The following ATP9B variants were observed in gnomAD, a reference collection of about 807,000 sequenced individuals.
The protein encoded by ATP9B is ATPase phospholipid transporting 9B.
ATP9B carries 110 observed loss-of-function variants against 146.1 expected under a neutral mutation model. The ratio of observed to expected loss-of-function variants is 0.75; its 90% confidence interval spans 0.65 to 0.88. The LOEUF (loss-of-function observed/expected upper bound fraction) is 0.88. ATP9B is among the 40% of genes least tolerant of loss of function. The pLI, the probability that ATP9B is intolerant of heterozygous loss-of-function variation, is 0.00. For synonymous variants in ATP9B, 604 were observed against 569.7 expected (o/e 1.06, Z -0.86); for missense variants, 1,499 against 1,496.4 (o/e 1.00, Z -0.03).
At chr18:79,259,208 T>G (rs1025145595) in intron 12 of ATP9B, among the ~76,000 whole-genome samples, 30 of 152,368 alleles carry the variant, frequency 2.0e-4, no homozygotes, top group African/African-American at 7.2e-4. Context: ...TTTGTAATTC[T>G]AAAATTCATA....
chr18:79,328,089 TGTGGTTAG>T (rs2096770123), intron 15 of ATP9B, among the ~76,000 whole-genome samples: 3 of 88,852 alleles, frequency 3.4e-5, no homozygotes, highest in African/African-American at 5.2e-5. Flanking sequence ...GCGTGCTCTC[TGTGGTTAG>T]CGTGCTCTCT....
At chr18:79,283,569 A>C (rs141595044) in intron 13 of ATP9B, among the ~76,000 whole-genome samples, 1 of 152,188 alleles carries the variant, frequency 6.6e-6, no homozygotes, top group Non-Finnish European at 1.5e-5. Context: ...CAAGAAAGCA[A>C]TGTGGTATAA....
chr18:79,155,979 G>A (rs1476404875), intron 7 of ATP9B, among the ~76,000 whole-genome samples: 1 of 151,822 alleles, frequency 6.6e-6, no homozygotes, highest in Non-Finnish European at 1.5e-5. Context: ...AGCCAGGATG[G>A]TCTCGATCTC....
intron 17 of ATP9B, among the ~76,000 whole-genome samples, chr18:79,332,336 G>C (rs2096795775): frequency 6.6e-6 from 1 of 152,238 alleles, no homozygotes. Context: ...GGCTGAGGCA[G>C]GAGAATGGCG....
intron 11 of ATP9B, among the ~76,000 whole-genome samples, chr18:79,220,843 C>CT: frequency 6.6e-6 from 1 of 152,278 alleles, no homozygotes; most frequent in South Asian, 2.1e-4. Context: ...GTGCCCTTTT[C>CT]TTTTCAGCTG....
At chr18:79,320,691 G>C (rs1360238788) in intron 15 of ATP9B, among the ~76,000 whole-genome samples, 6 of 152,140 alleles carry the variant, frequency 3.9e-5, no homozygotes, top group Non-Finnish European at 7.4e-5. Context: ...TGGCCATGCA[G>C]AACTCCCACC....
At chr18:79,229,625 C>T (rs1270966069) in intron 11 of ATP9B, among the ~76,000 whole-genome samples, 1 of 152,310 alleles carries the variant, frequency 6.6e-6, no homozygotes, top group Non-Finnish European at 1.5e-5. Context: ...GAGGCGCAGG[C>T]GCTCTGCTGT....
intron 9 of ATP9B, among the ~76,000 whole-genome samples, chr18:79,203,056 A>G (rs1328959470): frequency 1.3e-5 from 2 of 152,220 alleles, no homozygotes; most frequent in Non-Finnish European, 2.9e-5. Context: ...AAGGGAATAC[A>G]ATTGTGTGAA....
chr18:79,376,050 C>G (rs1475723003), intron 29 of ATP9B: 1 of 985,116 alleles, frequency 1.0e-6, no homozygotes, highest in East Asian at 1.1e-4. Flanking sequence ...CGAGAACATT[C>G]TCTGGGTGGG....
intron 1 of ATP9B, among the ~76,000 whole-genome samples, chr18:79,093,697 A>G (rs2074536790): frequency 6.6e-6 from 1 of 152,216 alleles, no homozygotes; most frequent in African/African-American, 2.4e-5. Flanking sequence ...ATATAGAGAA[A>G]TAGTGTGTAT....
intron 25 of ATP9B, among the ~76,000 whole-genome samples, chr18:79,358,953 C>T (rs2147813188): frequency 6.6e-6 from 1 of 150,476 alleles, no homozygotes; most frequent in South Asian, 2.1e-4. Context: ...GTGAGGGGTG[C>T]TCTGGGTCTG....
chr18:79,237,362 G>T (rs1390583051), intron 11 of ATP9B, among the ~76,000 whole-genome samples: 4 of 92,328 alleles, frequency 4.3e-5, no homozygotes. Context: ...GCACGAGTCA[G>T]TGTCCACACC....
chr18:79,258,939 T>C (rs1421874483), intron 12 of ATP9B, among the ~76,000 whole-genome samples: 2 of 152,342 alleles, frequency 1.3e-5, no homozygotes, highest in South Asian at 4.1e-4. Flanking sequence ...AAATTTTCCG[T>C]AAAATATGAA....
chr18:79,272,296 G>A (rs2096264066), intron 12 of ATP9B, among the ~76,000 whole-genome samples: 2 of 152,186 alleles, frequency 1.3e-5, no homozygotes, highest in African/African-American at 2.4e-5. Context: ...CATGTTTAGG[G>A]TGTATCTCTG....
chr18:79,121,090 T>A (rs2094181008), intron 4 of ATP9B, among the ~76,000 whole-genome samples: 1 of 152,192 alleles, frequency 6.6e-6, no homozygotes, highest in Non-Finnish European at 1.5e-5. Flanking sequence ...TTTGTGATAT[T>A]TAAAAGGGGT....
intron 9 of ATP9B, among the ~76,000 whole-genome samples, chr18:79,200,779 A>AGGCGGAGGTGGGGACTGTCGGGGTC (rs2095475928): frequency 1.8e-4 from 5 of 28,514 alleles, no homozygotes; most frequent in East Asian, 6.6e-4. Flanking sequence ...GTCAGAGCAG[A>AGGCGGAGGTGGGGACTGTCGGGGTC]AGTAGTGGTG....
intron 1 of ATP9B, among the ~76,000 whole-genome samples, chr18:79,073,707 T>C (rs1015900842): frequency 1.3e-5 from 2 of 152,182 alleles, no homozygotes. Flanking sequence ...ATTCCCTAAT[T>C]CTTTACTCTG....
At chr18:79,213,094 A>G (rs542683063) in intron 10 of ATP9B, among the ~76,000 whole-genome samples, 2 of 152,174 alleles carry the variant, frequency 1.3e-5, no homozygotes, top group African/African-American at 2.4e-5. Flanking sequence ...TGTTAAGTTA[A>G]TGTGACATCA....
chr18:79,147,663 C>T (rs919182539), intron 6 of ATP9B, among the ~76,000 whole-genome samples: 5 of 151,962 alleles, frequency 3.3e-5, no homozygotes, highest in African/African-American at 1.2e-4. Flanking sequence ...AAGTGGGATG[C>T]GTGTAAGGGC....
Sources: allele counts gnomAD v4.1 joint callset (sites outside exome capture counted in the v4.1 genomes callset), GRCh38; gene constraint gnomAD v4.1.1; transcripts MANE v1.5; gene names NCBI Gene and HGNC (gene_info 2026-07-23, HGNC 2026-07-21).